The following NRXN3 variants were observed in gnomAD, a reference collection of about 807,000 sequenced individuals.
The protein encoded by NRXN3 is neurexin 3, also known as neurexin III.
In NRXN3, 32 loss-of-function variants were observed where a neutral mutation model predicts 137.6. The observed-to-expected ratio is 0.23, with a 90% CI of 0.18 to 0.31. The LOEUF is 0.31. Among genes scored for constraint, NRXN3 ranks in the 10% least tolerant of loss-of-function variants. NRXN3 has a pLI of 1.00. For synonymous variants in NRXN3, 798 were observed against 784.5 expected (o/e 1.02, Z -0.29); for missense variants, 1,574 against 2,062.5 (o/e 0.76, Z 4.59).
At chr14:78,689,155 T>C (rs2098148132) in intron 6 of NRXN3, among the ~76,000 whole-genome samples, 1 of 152,084 alleles carries the variant, frequency 6.6e-6, no homozygotes, top group African/African-American at 2.4e-5. Context: ...TGTTTTCTCT[T>C]GTTATTTTGA....
intron 15 of NRXN3, among the ~76,000 whole-genome samples, chr14:79,336,391 G>A (rs1180443803): frequency 1.3e-5 from 2 of 152,112 alleles, no homozygotes; most frequent in Non-Finnish European, 2.9e-5. Flanking sequence ...GCACTGAGTG[G>A]CCCAAAACAA....
intron 10 of NRXN3, among the ~76,000 whole-genome samples, chr14:78,834,659 A>G (rs1019489877): frequency 3.3e-5 from 5 of 152,014 alleles, no homozygotes; most frequent in Non-Finnish European, 7.4e-5. Context: ...TTGGATACTC[A>G]GGTACAAGGA....
intron 8 of NRXN3, among the ~76,000 whole-genome samples, chr14:78,753,024 T>C (rs2098650397): frequency 6.6e-6 from 1 of 152,138 alleles, no homozygotes; most frequent in Non-Finnish European, 1.5e-5. Flanking sequence ...GTGACAGCAT[T>C]CCACCGACTC....
At chr14:79,457,240 G>A (rs1242402285) in intron 15 of NRXN3, among the ~76,000 whole-genome samples, 1 of 152,170 alleles carries the variant, frequency 6.6e-6, no homozygotes, top group Non-Finnish European at 1.5e-5. Flanking sequence ...GATAGAGACA[G>A]AGGATGTGCT....
chr14:79,074,730 C>G (rs907957109), intron 15 of NRXN3: 2 of 152,270 alleles, frequency 1.3e-5, no homozygotes, highest in African/African-American at 4.8e-5. Flanking sequence ...CGAACTGAAA[C>G]AGGGCTTCTC....
chr14:78,437,515 A>C (rs1433751241), intron 4 of NRXN3, among the ~76,000 whole-genome samples: 5 of 151,936 alleles, frequency 3.3e-5, no homozygotes, highest in Admixed American at 6.6e-5. Context: ...TGCCCGGCTA[A>C]GTTTTGTAGT....
chr14:79,142,342 C>G (rs960652070), intron 15 of NRXN3, among the ~76,000 whole-genome samples: 1 of 151,842 alleles, frequency 6.6e-6, no homozygotes, highest in Non-Finnish European at 1.5e-5. Flanking sequence ...AGGAGAATTG[C>G]TTGAACCCGG....
intron 19 of NRXN3, among the ~76,000 whole-genome samples, chr14:79,797,236 T>C (rs1026682621): frequency 1.3e-5 from 2 of 152,218 alleles, no homozygotes; most frequent in Non-Finnish European, 2.9e-5. Flanking sequence ...GTGATTCTCT[T>C]TAAAGCTATC....
chr14:79,799,082 A>C (rs539551421), intron 19 of NRXN3, among the ~76,000 whole-genome samples: 2 of 152,192 alleles, frequency 1.3e-5, no homozygotes, highest in Non-Finnish European at 2.9e-5. Flanking sequence ...GAGGAAAAAA[A>C]GAACATAAAT....
At chr14:78,314,181 T>C (rs1378670263) in intron 4 of NRXN3, among the ~76,000 whole-genome samples, 1 of 152,206 alleles carries the variant, frequency 6.6e-6, no homozygotes, top group African/African-American at 2.4e-5. Context: ...GACATTGCAG[T>C]GGTAGCGACT....
At chr14:79,020,132 C>T (rs1377255794) in intron 15 of NRXN3, among the ~76,000 whole-genome samples, 3 of 9,716 alleles carry the variant, frequency 3.1e-4, no homozygotes, top group African/African-American at 2.8e-3. Flanking sequence ...CCTTTCCCTT[C>T]CCTTCCCTTC....
At chr14:78,973,906 C>T (rs913249324) in intron 14 of NRXN3, among the ~76,000 whole-genome samples, 9 of 152,198 alleles carry the variant, frequency 5.9e-5, no homozygotes, top group African/African-American at 2.2e-4. Flanking sequence ...ATTGACTTTG[C>T]TGTGACTTTC....
In NRXN3 at chr14:78,687,454, A is replaced by G. The variant is rs148754231; in HGVS notation, c.1222-21763A>G. The stretch of plus-strand genomic sequence containing the variant: ...AGTGTGGGATATATTTTGGAGGTAG[A>G]GTCAACAGGATTTATTGATGAATTG... On this transcript the variant is annotated intron_variant, in intron 6 of 20. Coordinates refer to ENST00000335750, the MANE Select transcript of NRXN3 (RefSeq NM_001330195.2). 9.9e-3 allele frequency among the ~76,000 whole-genome samples: 1,508 copies of G among 152,326 alleles called. 76 individuals are homozygous for G. The highest frequency in any genetic ancestry group is 0.088 in the Admixed American group (1,346 of 15,286).
At chr14:78,886,371 T>C (rs1208664721) in intron 10 of NRXN3, among the ~76,000 whole-genome samples, 2 of 152,142 alleles carry the variant, frequency 1.3e-5, no homozygotes, top group Non-Finnish European at 2.9e-5. Flanking sequence ...TCAGTATATA[T>C]TCAGTATATA....
At chr14:79,426,660 C>T (rs1050497638) in intron 15 of NRXN3, among the ~76,000 whole-genome samples, 2 of 152,066 alleles carry the variant, frequency 1.3e-5, no homozygotes, top group African/African-American at 4.8e-5. Flanking sequence ...CTTGTGTTTT[C>T]CAAATGTCAT....
At chr14:79,314,219 G>T (rs1200972411) in intron 15 of NRXN3, 5 of 137,940 alleles carry the variant, frequency 3.6e-5, no homozygotes, top group Non-Finnish European at 6.2e-5. Flanking sequence ...CACCGTGCGC[G>T]AGCCGAAGCA....
At chr14:79,492,431 G>A (rs577646451) in intron 16 of NRXN3, among the ~76,000 whole-genome samples, 1 of 152,174 alleles carries the variant, frequency 6.6e-6, no homozygotes, top group South Asian at 2.1e-4. Context: ...TGCCCAGGCT[G>A]GAGTGCAGTG....
intron 15 of NRXN3, among the ~76,000 whole-genome samples, chr14:79,234,634 G>A (rs769919468): frequency 2.0e-5 from 3 of 151,422 alleles, no homozygotes; most frequent in Non-Finnish European, 2.9e-5. Context: ...ATCTGCCTTC[G>A]ACCTCCCAAC....
At chr14:79,617,106 G>GTGC (rs2098165584) in intron 16 of NRXN3, among the ~76,000 whole-genome samples, 1 of 152,098 alleles carries the variant, frequency 6.6e-6, no homozygotes, top group South Asian at 2.1e-4. Flanking sequence ...CCTGCTGGGA[G>GTGC]TGCTGGTCAC....
Sources: gnomAD v4.1 joint callset for allele counts (sites outside exome capture counted in the v4.1 genomes callset) on GRCh38, gnomAD v4.1.1 for gene constraint, MANE v1.5 for transcripts, NCBI Gene and HGNC (gene_info 2026-07-23, HGNC 2026-07-21) for gene names.